Variants in NXPE1 observed in about 807,000 individuals in gnomAD.
NXPE1 encodes the protein neurexophilin and PC-esterase domain family member 1.
Under a neutral mutation model 33.3 loss-of-function variants are expected in NXPE1, and 31 were observed. The observed-to-expected ratio is 0.93, with a 90% CI of 0.70 to 1.26. The LOEUF is 1.26. NXPE1 is among the 50% of genes most tolerant of loss of function. The probability of loss-of-function intolerance (pLI) is 0.00; values close to 1 mark genes in which losing one functional copy is unlikely to be tolerated. For synonymous variants in NXPE1, 229 were observed against 231.4 expected (o/e 0.99, Z 0.09); for missense variants, 661 against 655.6 (o/e 1.01, Z -0.09).
Position 114,530,927 on chromosome 11 carries a change from T to C in NXPE1, c.100-19A>G. The C allele has an allele frequency of 6.4e-7, 1 of 1,566,778 alleles. No individual in the cohort carries two copies. The highest frequency in any genetic ancestry group is 8.6e-7 in the Non-Finnish European group (1 of 1,161,086). ...ACCAAAGCTGAAATGACAAGGATTG[T>C]GATATACTATGAAATTAACCTGTCT... On this transcript the variant is annotated intron_variant, in intron 5 of 8. Transcript: ENST00000534921.
At chr11:114,539,424 A>G (rs1386359332) in intron 5 of NXPE1, among the ~76,000 whole-genome samples, 1 of 135,698 alleles carries the variant, frequency 7.4e-6, no homozygotes, top group Non-Finnish European at 1.5e-5. Flanking sequence ...CCTAAAACTT[A>G]AAGTATAATA....
At chr11:114,531,363 C>G (rs1947577503) in intron 5 of NXPE1, among the ~76,000 whole-genome samples, 1 of 152,074 alleles carries the variant, frequency 6.6e-6, no homozygotes, top group Non-Finnish European at 1.5e-5. Context: ...CTTTTTCTCT[C>G]CAGCTGTATC....
intron 1 of NXPE1, chr11:114,554,327 T>C: frequency 1.0e-6 from 1 of 985,172 alleles, no homozygotes; most frequent in Non-Finnish European, 1.2e-6. Context: ...CTCCAGGTTC[T>C]CTTTCCTCTT....
At chr11:114,532,292 T>C (rs949918030) in intron 5 of NXPE1, among the ~76,000 whole-genome samples, 1 of 152,168 alleles carries the variant, frequency 6.6e-6, no homozygotes. Flanking sequence ...AGACAAATCA[T>C]TGGCAATGCC....
In NXPE1 at chr11:114,539,156, C is replaced by G. The variant is rs570087381; in HGVS notation, c.100-8248G>C. On this transcript the variant is annotated intron_variant, in intron 5 of 8. Transcript: ENST00000534921. The stretch of plus-strand genomic sequence containing the variant: ...TAGGGACATGGATGAAGCTGGAAAC[C>G]ATCATTCTGAGCAAACTATCACAAG... Among the ~76,000 whole-genome samples, 14 of 152,182 alleles carry G rather than the reference C, an allele frequency of 9.2e-5. 1 individual carries two copies. The South Asian group carries it at 1.9e-3, about 20-fold the overall frequency.
chr11:114,551,035 T>G (rs1050408345), intron 5 of NXPE1, 68 bp downstream of exon 5: 1 of 813,586 alleles, frequency 1.2e-6, no homozygotes, highest in African/African-American at 1.7e-5. Context: ...GGAGTGGGAC[T>G]GACTTGAGGC....
intron 1 of NXPE1, among the ~76,000 whole-genome samples, chr11:114,558,507 A>G (rs1296562386): frequency 2.0e-5 from 3 of 152,184 alleles, no homozygotes; most frequent in East Asian, 3.8e-4. Context: ...CTCTTTTAAG[A>G]AAGTTTGTGA....
intron 5 of NXPE1, among the ~76,000 whole-genome samples, chr11:114,542,323 T>C (rs1264743630): frequency 1.3e-5 from 2 of 152,208 alleles, no homozygotes; most frequent in Non-Finnish European, 2.9e-5. Flanking sequence ...AGGCAAGTTC[T>C]AATGAAAACA....
chr11:114,546,466 T>C (rs910554471), intron 5 of NXPE1, among the ~76,000 whole-genome samples: 1 of 93,298 alleles, frequency 1.1e-5, no homozygotes, highest in African/African-American at 7.7e-5. Flanking sequence ...ATATTTTTTC[T>C]TTTTCTTTTT....
Position 114,522,406 on chromosome 11 carries a change from G to A in NXPE1, c.1206C>T (p.Ser402=), listed in dbSNP as rs752641684. 21 of 1,613,874 alleles carry A rather than the reference G, an allele frequency of 1.3e-5. No homozygotes were observed. In the Admixed American group the frequency reaches 1.8e-4, roughly 14 times the overall value. Reference sequence around the variant, plus strand: ...AGAGCTGGAAAGTGACGAAGGGATAGCTATGTTTTTTCCATTGAATCTGAG... The same window carrying A: ...AGAGCTGGAAAGTGACGAAGGGATAACTATGTTTTTTCCATTGAATCTGAG... The change falls in exon 9 of 9, where the codon AGC becomes AGT. Residue 402 remains serine (S), a synonymous_variant. Transcript: ENST00000534921.
chr11:114,548,563 C>A (rs563169021), intron 5 of NXPE1, among the ~76,000 whole-genome samples: 1 of 151,812 alleles, frequency 6.6e-6, no homozygotes, highest in African/African-American at 2.4e-5. Context: ...CTAAACAACT[C>A]GTGACTCAAA....
downstream of NXPE1, among the ~76,000 whole-genome samples, chr11:114,520,249 A>T (rs1947182733): frequency 6.6e-6 from 1 of 152,052 alleles, no homozygotes. Context: ...CCTTTGACCT[A>T]CACCTCCCTG....
At position 114,522,324 on chromosome 11, in the gene NXPE1, T is replaced by TG. The variant is rs760736877; in HGVS notation, c.1287dup (p.Lys430GlnfsTer14). ...AAGGTGATGACGATGGCTGTGTTTT[T>TG]GTCACCTGATAGCCGGTCAATTTCC... On this transcript the variant is annotated frameshift_variant, in exon 9 of 9. Transcript: ENST00000534921. LOFTEE classifies it low-confidence loss of function (END_TRUNC). 3.1e-6 allele frequency: 5 copies of TG among 1,614,028 alleles called. No individual in the cohort carries two copies. In the African/African-American group the frequency reaches 6.7e-5, roughly 22 times the overall value.
chr11:114,531,295 C>A (rs574562379), intron 5 of NXPE1, among the ~76,000 whole-genome samples: 33 of 152,186 alleles, frequency 2.2e-4, no homozygotes, highest in East Asian at 3.9e-4. Context: ...TTTACTCTTT[C>A]TTTTCATATA....
At position 114,522,363 on chromosome 11, in the gene NXPE1, C is replaced by T. The variant is rs1565294491; in HGVS notation, c.1249G>A (p.Asp417Asn). 8 of 1,614,090 alleles carry T rather than the reference C, an allele frequency of 5.0e-6. No homozygotes were observed. The highest frequency in any genetic ancestry group is 6.8e-6 in the Non-Finnish European group (8 of 1,179,978). ...CGGTCAATTTCCCGAGGGATATAAT[C>T]ATGATCTATCAGAGAGTAGAGCTGG... is the stretch of plus-strand genomic sequence containing the variant. The change falls in exon 9 of 9, where the codon GAT becomes AAT. Residue 417 changes from aspartate to asparagine, a missense_variant. Asp to Asn is a conservative substitution (Grantham distance 23). Coordinates refer to ENST00000534921, the Ensembl canonical transcript of NXPE1.
chr11:114,540,709 G>T (rs1450074555), intron 5 of NXPE1, among the ~76,000 whole-genome samples: 5 of 152,128 alleles, frequency 3.3e-5, no homozygotes, highest in African/African-American at 1.2e-4. Context: ...AACAAAAGCA[G>T]GCAAGTTTTG....
At chr11:114,552,752 A>C (rs993483302) in intron 2 of NXPE1, 100 bp downstream of exon 2, 1 of 337,010 alleles carries the variant, frequency 3.0e-6, no homozygotes, top group African/African-American at 2.5e-5. Flanking sequence ...AGCAGCATTG[A>C]AAAAAAAGTA....
In NXPE1 at chr11:114,523,109, C is replaced by T. The variant is rs776474530; in HGVS notation, c.896-18G>A. On this transcript the variant is annotated intron_variant, in intron 7 of 8. Coordinates refer to ENST00000534921, the Ensembl canonical transcript of NXPE1. ...TTCTCTCTCTGGTAACAAAGACACT[C>T]GTAAATGATTTTATTGGCAAAACTT... The T allele has an allele frequency of 2.1e-5, 33 of 1,580,158 alleles. No homozygotes were observed. The highest frequency in any genetic ancestry group is 2.7e-5 in the Non-Finnish European group (31 of 1,150,840).
chr11:114,543,277 A>G (rs185812605), intron 5 of NXPE1, among the ~76,000 whole-genome samples: 133 of 151,442 alleles, frequency 8.8e-4, no homozygotes, highest in African/African-American at 3.1e-3. Context: ...AATTGCTTGA[A>G]CCTGGGAGGC....
Sources: gnomAD v4.1 joint callset for allele counts (sites outside exome capture counted in the v4.1 genomes callset) on GRCh38, gnomAD v4.1.1 for gene constraint, MANE v1.5 for transcripts, NCBI Gene and HGNC (gene_info 2026-07-23, HGNC 2026-07-21) for gene names.